SREK1: variants seen among roughly 807,000 people sequenced by gnomAD.
SREK1 encodes splicing regulatory glutamic acid and lysine rich protein 1, also known as splicing regulatory glutamine/lysine-rich protein 1.
SREK1 carries 13 observed loss-of-function variants against 66.5 expected under a neutral mutation model. The observed-to-expected ratio is 0.20, with a 90% CI of 0.13 to 0.31. SREK1 has a LOEUF of 0.31. Among genes scored for constraint, SREK1 ranks in the 10% least tolerant of loss-of-function variants. The pLI is 1.00. For synonymous variants in SREK1, 265 were observed against 263.5 expected (o/e 1.01, Z -0.05); for missense variants, 607 against 769.6 (o/e 0.79, Z 2.50).
At chr5:66,156,787 G>A in intron 2 of SREK1, 2 of 985,290 alleles carry the variant, frequency 2.0e-6, no homozygotes, top group Non-Finnish European at 2.4e-6. Context: ...TGCCTATGTG[G>A]GGAATGGATA....
At position 66,180,191 on chromosome 5, in the gene SREK1, T is replaced by C. The variant is rs950835191; in HGVS notation, c.*1323T>C. ...GTTTAAGATACAGGTCATCCATCAT[T>C]CTTAGGCTCACTTTTTACAGAAAGT... On this transcript the variant is annotated 3_prime_UTR_variant, in exon 12 of 12. Transcript: ENST00000334121. The C allele has an allele frequency of 3.9e-5, 6 of 152,518 alleles. No individual in the cohort carries two copies. The highest frequency in any genetic ancestry group is 3.9e-4 in the Admixed American group (6 of 15,256). 9.4% of individuals were successfully genotyped at this position (152,518 alleles called of 1,614,324 possible).
chr5:66,159,451 G>A, intron 3 of SREK1, 117 bp downstream of exon 3: 2 of 836,180 alleles, frequency 2.4e-6, no homozygotes, highest in Non-Finnish European at 3.3e-6. Context: ...TTTTAATAGA[G>A]AGGATTCGAA....
intron 2 of SREK1, chr5:66,157,682 A>G: frequency 1.0e-6 from 1 of 964,572 alleles, no homozygotes; most frequent in Non-Finnish European, 1.2e-6. Flanking sequence ...GCATGTTAAG[A>G]AATCTGTTCT....
intron 7 of SREK1, chr5:66,167,540 G>C (rs1188500361): frequency 6.6e-6 from 1 of 152,150 alleles, no homozygotes; most frequent in Non-Finnish European, 1.5e-5. Context: ...TAAATCTTTA[G>C]TTAGATTAGA....
chr5:66,170,097 A>C lies in SREK1; in HGVS notation c.1048A>C (p.Arg350=). ...ACGTTCAAGACAGAAAGACAGACGT[A>C]GATCTAAGAGCCCACATAAAAAACG... The part of the protein sequence containing the change: ...RSRSRQKDRR[R]SKSPHKKRSK... Residue 350 remains arginine (R), a synonymous_variant, in exon 8 of 12, where the codon AGA becomes CGA. Transcript: ENST00000334121. 3.7e-6 allele frequency: 6 copies of C among 1,612,916 alleles called. No individual in the cohort carries two copies. In the South Asian group the frequency reaches 5.5e-5, roughly 15 times the overall value.
chr5:66,157,219 G>A, intron 2 of SREK1: 5 of 984,498 alleles, frequency 5.1e-6, no homozygotes, highest in Non-Finnish European at 6.0e-6. Context: ...TTGAAAGGCA[G>A]TGGGAGAGTT....
rs757628381 is a variant in SREK1 at position 66,180,101 on chromosome 5, G to T, written c.*1233G>T. The T allele has an allele frequency of 1.3e-5, 2 of 152,470 alleles. No individual in the cohort carries two copies. Among genetic ancestry groups the T allele is most frequent in the African/African-American group, 4.8e-5 (2 of 41,416 alleles). 9.4% of individuals were successfully genotyped at this position (152,470 alleles called of 1,614,324 possible). Reference sequence around the variant, plus strand: ...TTTTCATAAATGATGTGCAGAAATTGTACTTAAGGACTTAGGAGTATATGG... The same window carrying T: ...TTTTCATAAATGATGTGCAGAAATTTTACTTAAGGACTTAGGAGTATATGG... On this transcript the variant is annotated 3_prime_UTR_variant, in exon 12 of 12. Transcript: ENST00000334121.
intron 7 of SREK1, chr5:66,167,758 A>G (rs1240960183): frequency 1.3e-5 from 2 of 152,350 alleles, no homozygotes; most frequent in East Asian, 3.9e-4. Context: ...AATTTTTAAA[A>G]ATAAGTTTTG....
In SREK1 at chr5:66,170,638, A is replaced by C; in HGVS notation, c.1175A>C (p.Glu392Ala). ...EKIKEKERVK[E>A]KDREKERERE... ...ATCAAGGAAAAGGAAAGAGTGAAAGAGAAAGACAGGGAAAAGGAGAGAGAG... is the reference window on the plus strand; with the variant it reads ...ATCAAGGAAAAGGAAAGAGTGAAAGCGAAAGACAGGGAAAAGGAGAGAGAG... Residue 392 changes from glutamate to alanine, a missense_variant, in exon 9 of 12, where the codon GAG (glutamate) becomes GCG (alanine). Coordinates refer to ENST00000334121, the MANE Select transcript of SREK1 (RefSeq NM_001077199.3). 1.9e-6 allele frequency: 3 copies of C among 1,613,290 alleles called. No homozygotes were observed. Among genetic ancestry groups the C allele is most frequent in the Non-Finnish European group, 2.5e-6 (3 of 1,179,848 alleles).
At chr5:66,157,541 A>T in intron 2 of SREK1, 1 of 980,412 alleles carries the variant, frequency 1.0e-6, no homozygotes, top group Non-Finnish European at 1.2e-6. Flanking sequence ...AAAACAGGTG[A>T]AATCAATATA....
Position 66,178,954 on chromosome 5 carries a change from T to C in SREK1, c.*86T>C. The C allele has an allele frequency of 1.2e-5, 17 of 1,369,404 alleles. No individual in the cohort carries two copies. The highest frequency in any genetic ancestry group is 1.6e-5 in the Non-Finnish European group (17 of 1,041,144). 84.8% of individuals were successfully genotyped at this position (1,369,404 alleles called of 1,614,324 possible). A position where few individuals can be genotyped will look rare whatever the true frequency, so the allele number is the denominator to read the frequency against. On this transcript the variant is annotated 3_prime_UTR_variant, in exon 12 of 12. Coordinates refer to ENST00000334121, the MANE Select transcript of SREK1 (RefSeq NM_001077199.3). ...CAACAAGATGTAAACAGGAAAGAAA[T>C]CTAGTTGAGCATGAAGATAGGATCT...
chr5:66,157,547 A>G, intron 2 of SREK1: 1 of 980,262 alleles, frequency 1.0e-6, no homozygotes, highest in Non-Finnish European at 1.2e-6. Context: ...GGTGAAATCA[A>G]TATAAATAGT....
chr5:66,182,275 A>G lies in SREK1; in HGVS notation c.*3407A>G, dbSNP rs1746563521. 6.6e-6 allele frequency: 1 copy of G among 152,128 alleles called. No individual in the cohort carries two copies. Among genetic ancestry groups the G allele is most frequent in the African/African-American group, 2.4e-5 (1 of 41,446 alleles). 9.4% of individuals were successfully genotyped at this position (152,128 alleles called of 1,614,324 possible). A position where few individuals can be genotyped will look rare whatever the true frequency, so the allele number is the denominator to read the frequency against. On this transcript the variant is annotated 3_prime_UTR_variant, in exon 12 of 12. Transcript: ENST00000334121. ...AGCCATTCCCACAAAGTAAATGTGC[A>G]GTGCCCATGTTTCTTGTGTTTAAAT...
At chr5:66,174,871 C>G (rs1050021140) in intron 9 of SREK1, 75 bp from the exon 10 acceptor site, 6 of 1,368,064 alleles carry the variant, frequency 4.4e-6, no homozygotes, top group Non-Finnish European at 6.1e-6. Flanking sequence ...ATCAAGGACC[C>G]TTTTGCTTTT....
chr5:66,175,901 A>G (rs1746017368), intron 10 of SREK1, among the ~76,000 whole-genome samples: 1 of 152,100 alleles, frequency 6.6e-6, no homozygotes, highest in Non-Finnish European at 1.5e-5. Flanking sequence ...CTTTTAAAAA[A>G]TTGTTTGTGA....
chr5:66,161,398 G>A (rs779603153), intron 3 of SREK1, among the ~76,000 whole-genome samples: 20 of 152,166 alleles, frequency 1.3e-4, no homozygotes, highest in South Asian at 4.1e-4. Context: ...CACGGAGGTC[G>A]AAATCTTCTT....
At chr5:66,145,523 T>C (rs1331014804) in intron 1 of SREK1, among the ~76,000 whole-genome samples, 2 of 152,112 alleles carry the variant, frequency 1.3e-5, no homozygotes, top group Non-Finnish European at 2.9e-5. Context: ...CCTATTTTTC[T>C]TTAGTTTTCT....
intron 1 of SREK1, among the ~76,000 whole-genome samples, chr5:66,145,691 T>G (rs894895316): frequency 1.3e-4 from 19 of 151,424 alleles, no homozygotes; most frequent in Non-Finnish European, 1.5e-5. Context: ...ATGTTCCTTT[T>G]ACGAGCATTT....
At position 66,180,754 on chromosome 5, in the gene SREK1, G is replaced by A. The variant is rs1455694123; in HGVS notation, c.*1886G>A. The stretch of plus-strand genomic sequence containing the variant: ...GATACAAGAATGCTTGGGTGCATAT[G>A]GAAAGATTGTGAAAGAGTGTGTCTT... On this transcript the variant is annotated 3_prime_UTR_variant, in exon 12 of 12. Transcript: ENST00000334121. 1 of 152,544 alleles carries A rather than the reference G, an allele frequency of 6.6e-6. No homozygotes were observed. Among genetic ancestry groups the A allele is most frequent in the Non-Finnish European group, 1.5e-5 (1 of 68,014 alleles). 9.4% of individuals were successfully genotyped at this position (152,544 alleles called of 1,614,324 possible).
Sources: gnomAD v4.1 joint callset for allele counts (sites outside exome capture counted in the v4.1 genomes callset) on GRCh38, gnomAD v4.1.1 for gene constraint, MANE v1.5 for transcripts, NCBI Gene and HGNC (gene_info 2026-07-23, HGNC 2026-07-21) for gene names.